SLC12A3: variants seen among roughly 807,000 people sequenced by gnomAD.
The protein encoded by SLC12A3 is Na-Cl cotransporter.
SLC12A3 carries 104 observed loss-of-function variants against 121.0 expected under a neutral mutation model. The observed-to-expected ratio is 0.86, with a 90% CI of 0.73 to 1.01. The LOEUF is 1.01. Among genes scored for constraint, SLC12A3 ranks in the 50% least tolerant of loss-of-function variants. The probability of loss-of-function intolerance (pLI) is 0.00; values close to 1 mark genes in which losing one functional copy is unlikely to be tolerated. For missense variants in SLC12A3, 1,328 were observed against 1,356.3 expected (o/e 0.98, Z 0.33); for synonymous variants, 536 against 533.4 (o/e 1.00, Z -0.07).
chr16:56,870,151 C>A lies in SLC12A3; in HGVS notation c.657C>A (p.Ile219=), dbSNP rs138184423. 1.2e-6 allele frequency: 2 copies of A among 1,614,076 alleles called. No individual in the cohort carries two copies. The highest frequency in any genetic ancestry group is 1.7e-6 in the Non-Finnish European group (2 of 1,180,040). ...RSLGPELGGS[I]GLIFAFANAV... ...TGGGCCCAGAGCTTGGGGGCTCCAT[C>A]GGCCTCATTTTCGCTTTCGCCAATG... Residue 219 remains isoleucine (I), a synonymous_variant, in exon 5 of 26, where the codon ATC becomes ATA. Transcript: ENST00000563236.
intron 20 of SLC12A3, 74 bp downstream of exon 20, chr16:56,892,207 G>T: frequency 7.0e-7 from 1 of 1,435,262 alleles, no homozygotes; most frequent in Non-Finnish European, 9.8e-7. Flanking sequence ...CCTGTGGGGT[G>T]GCTAGGGGTG....
chr16:56,869,912 A>G (rs1162154073), intron 4 of SLC12A3, 88 bp downstream of exon 4: 10 of 1,390,670 alleles, frequency 7.2e-6, no homozygotes, highest in Non-Finnish European at 1.0e-5. Context: ...ACCCAATGGT[A>G]CACCCAGCCG....
At chr16:56,877,805 C>T (rs1281514899) in intron 8 of SLC12A3, among the ~76,000 whole-genome samples, 4 of 152,244 alleles carry the variant, frequency 2.6e-5, no homozygotes, top group African/African-American at 9.6e-5. Flanking sequence ...TTTCTTCTCT[C>T]TGCCTCCATT....
Position 56,899,747 on chromosome 16 carries a change from CAG to C in SLC12A3, c.2720+134_2720+135del, listed in dbSNP as rs1195559130. 5.4e-6 allele frequency: 4 copies of C among 734,950 alleles called. No individual in the cohort carries two copies. In the African/African-American group the frequency reaches 6.9e-5, roughly 13 times the overall value. The allele number at this position is 734,950 out of a possible 1,614,324, so 45.5% of individuals were successfully genotyped here. ...TCCTCCAAGCCCTTCCTAGATGTGTCAGAGGGCACAACTTCTGCAGTGGCTGT... is the reference window on the plus strand; with the variant it reads ...TCCTCCAAGCCCTTCCTAGATGTGTCAGGGCACAACTTCTGCAGTGGCTGT... On this transcript the variant is annotated intron_variant, in intron 23 of 25. Coordinates refer to ENST00000563236, the MANE Select transcript of SLC12A3 (RefSeq NM_001126108.2).
intron 22 of SLC12A3, 75 bp from the exon 23 acceptor site, chr16:56,899,455 C>T: frequency 1.7e-6 from 2 of 1,187,918 alleles, no homozygotes; most frequent in East Asian, 2.3e-5. Flanking sequence ...CACCACTGCA[C>T]TCCAGCCTGG....
At chr16:56,878,037 T>TGCCAAC in intron 8 of SLC12A3, 40 bp from the exon 9 acceptor site, 2 of 421,398 alleles carry the variant, frequency 4.7e-6, no homozygotes, top group Non-Finnish European at 8.9e-6. Context: ...CCTCCCTCTC[T>TGCCAAC]CCCTCCCTCC....
Position 56,882,420 on chromosome 16 carries a change from T to A in SLC12A3, c.1592T>A (p.Ile531Asn). 6.2e-7 allele frequency: 1 copy of A among 1,614,102 alleles called. No individual in the cohort carries two copies. ...GCTGAGCTCAACACCATAGCCCCCA[T>A]CATTTCCAACTTCTTCCTCTGCTCC... ...IIAELNTIAP[I>N]ISNFFLCSYA... The change falls in exon 13 of 26, where the codon ATC becomes AAC. Residue 531 changes from isoleucine to asparagine, a missense_variant. Transcript: ENST00000563236.
intron 25 of SLC12A3, among the ~76,000 whole-genome samples, chr16:56,908,559 G>T (rs1456418973): frequency 6.6e-6 from 1 of 152,226 alleles, no homozygotes; most frequent in Admixed American, 6.5e-5. Flanking sequence ...TGTCAAGACG[G>T]TGAGAGCAGG....
Position 56,884,099 on chromosome 16 carries a change from G to T in SLC12A3, c.1720G>T (p.Ala574Ser), listed in dbSNP as rs771645025. Residue 574 changes from alanine to serine, a missense_variant, in exon 14 of 26, where the codon GCT becomes TCT. Physicochemically the swap from Ala to Ser is moderately conservative, Grantham distance 99. Coordinates refer to ENST00000563236, the MANE Select transcript of SLC12A3 (RefSeq NM_001126108.2). ...YYNKWAALFG[A>S]IISVVIMFLL... ...CAACAAGTGGGCGGCGCTGTTTGGG[G>T]CTATCATCTCCGTGGTCATCATGTT... 1.2e-6 allele frequency: 2 copies of T among 1,614,224 alleles called. No individual in the cohort carries two copies. The highest frequency in any genetic ancestry group is 2.2e-5 in the South Asian group (2 of 91,088).
chr16:56,872,453 A>T lies in SLC12A3; in HGVS notation c.955A>T (p.Ser319Cys). 1 of 1,613,574 alleles carries T rather than the reference A, an allele frequency of 6.2e-7. No homozygotes were observed. The highest frequency in any genetic ancestry group is 1.6e-4 in the Middle Eastern group (1 of 6,062). ...GGACAAGGCCTCCAAAGGCTTCTTC[A>T]GCTACCGGGGTATGTGCTGATCAAG... The part of the protein sequence containing the change: ...SEDKASKGFF[S>C]YRADIFVQNL... The change falls in exon 7 of 26, where the codon AGC becomes TGC. Residue 319 changes from serine to cysteine, a missense_variant. Ser to Cys is a moderately radical substitution (Grantham distance 112). Transcript: ENST00000563236.
In SLC12A3 at chr16:56,880,213, CCTGCTGGCCT is replaced by C; in HGVS notation, c.1528_1537del (p.Leu510ThrfsTer16). 6.3e-7 allele frequency: 1 copy of C among 1,591,556 alleles called. No individual in the cohort carries two copies. The highest frequency in any genetic ancestry group is 8.6e-7 in the Non-Finnish European group (1 of 1,169,482). On this transcript the variant is annotated frameshift_variant, in exon 12 of 26. Transcript: ENST00000563236. LOFTEE classifies it high-confidence loss of function. ...AGAACAAGGAGCCCGTGCGTGGCTACCTGCTGGCCTACGCCATCGCTGTGGCCTTCATCAT... is the reference window on the plus strand; with the variant it reads ...AGAACAAGGAGCCCGTGCGTGGCTACACGCCATCGCTGTGGCCTTCATCAT...
intron 25 of SLC12A3, among the ~76,000 whole-genome samples, chr16:56,912,833 G>A (rs1302724285): frequency 6.6e-6 from 1 of 152,096 alleles, no homozygotes; most frequent in East Asian, 1.9e-4. Flanking sequence ...GGAGGAGGTG[G>A]GTGCACTTGC....
At chr16:56,897,122 T>C (rs1596941315) in intron 22 of SLC12A3, among the ~76,000 whole-genome samples, 1 of 149,668 alleles carries the variant, frequency 6.7e-6, no homozygotes, top group African/African-American at 2.5e-5. Flanking sequence ...ATTCAGAATG[T>C]GAGTTGGTTT....
intron 8 of SLC12A3, among the ~76,000 whole-genome samples, chr16:56,876,374 G>A (rs60534592): frequency 0.04 from 6,059 of 152,298 alleles, 171 homozygotes; most frequent in African/African-American, 0.068. Flanking sequence ...CAGGGTGGGA[G>A]GCTGGTGTGT....
At chr16:56,866,068 C>G (rs1964348183) in intron 1 of SLC12A3, among the ~76,000 whole-genome samples, 1 of 151,048 alleles carries the variant, frequency 6.6e-6, no homozygotes, top group African/African-American at 2.4e-5. Context: ...TCACTGCAAC[C>G]TCTGCCTCCT....
intron 1 of SLC12A3, among the ~76,000 whole-genome samples, chr16:56,866,160 A>G (rs894778822): frequency 1.6e-4 from 24 of 151,406 alleles, no homozygotes; most frequent in Non-Finnish European, 1.3e-4. Flanking sequence ...TAATTTTTGT[A>G]TTTTTAGTAG....
intron 12 of SLC12A3, 68 bp downstream of exon 12, chr16:56,880,321 G>C: frequency 1.3e-6 from 2 of 1,528,274 alleles, no homozygotes; most frequent in South Asian, 1.2e-5. Context: ...GGGTCTTGGG[G>C]GCCGGGCTCT....
intron 5 of SLC12A3, 22 bp downstream of exon 5, chr16:56,870,257 C>T (rs1311429415): frequency 1.2e-6 from 2 of 1,610,052 alleles, no homozygotes; most frequent in Middle Eastern, 1.7e-4. Flanking sequence ...GGGCTGGACC[C>T]TGGGTAGAGG....
intron 14 of SLC12A3, 105 bp downstream of exon 14, chr16:56,884,309 T>C: frequency 8.4e-7 from 1 of 1,188,522 alleles, no homozygotes; most frequent in Non-Finnish European, 1.2e-6. Context: ...GGCTCTGTGC[T>C]GTCCAGGGCC....
Sources: allele counts gnomAD v4.1 joint callset (sites outside exome capture counted in the v4.1 genomes callset), GRCh38; gene constraint gnomAD v4.1.1; transcripts MANE v1.5; gene names NCBI Gene and HGNC (gene_info 2026-07-23, HGNC 2026-07-21).